Variants in PRSS12 observed in about 807,000 individuals in gnomAD.
PRSS12 encodes serine protease 12.
Under a neutral mutation model 104.4 loss-of-function variants are expected in PRSS12, and 85 were observed. The observed-to-expected ratio is 0.81, with a 90% CI of 0.68 to 0.98. The LOEUF is 0.98. Among genes scored for constraint, PRSS12 ranks in the 50% least tolerant of loss-of-function variants. The pLI is 0.00. For synonymous variants in PRSS12, 454 were observed against 425.2 expected (o/e 1.07, Z -0.83); for missense variants, 1,141 against 1,139.2 (o/e 1.00, Z -0.02).
intron 12 of PRSS12, 143 bp from the exon 13 acceptor site, chr4:118,282,386 G>T: frequency 2.8e-6 from 3 of 1,084,920 alleles, no homozygotes; most frequent in Admixed American, 3.8e-5. Flanking sequence ...TAACTGGTAT[G>T]TACTATTGTT....
chr4:118,341,392 A>C (rs1356578103), intron 1 of PRSS12, among the ~76,000 whole-genome samples: 1 of 152,192 alleles, frequency 6.6e-6, no homozygotes, highest in Non-Finnish European at 1.5e-5. Flanking sequence ...CTTAAAAACT[A>C]TAATTTATGG....
At chr4:118,282,801 G>A (rs770326732) in intron 12 of PRSS12, 30 bp downstream of exon 12, 1 of 1,613,036 alleles carries the variant, frequency 6.2e-7, no homozygotes, top group Non-Finnish European at 8.5e-7. Context: ...GACACAAAAA[G>A]GTGCCCTGCT....
rs1723924124 is a variant in PRSS12, at chr4:118,331,758, TC to T, written c.928del (p.Asp310MetfsTer7). On this transcript the variant is annotated frameshift_variant, in exon 4 of 13. Coordinates refer to ENST00000296498, the MANE Select transcript of PRSS12 (RefSeq NM_003619.4). LOFTEE classifies it high-confidence loss of function. ...GCAGATCACTTCTGCATCGGCATCATCCCATTGGTCATCACAAACGGTTCCC... is the reference window on the plus strand; with the variant it reads ...GCAGATCACTTCTGCATCGGCATCATCCATTGGTCATCACAAACGGTTCCC... ...QWGTVCDDQW[D>X]DADAEVICRQ... 1.2e-6 allele frequency: 2 copies of T among 1,614,048 alleles called. No homozygotes were observed. Among genetic ancestry groups the T allele is most frequent in the African/African-American group, 1.3e-5 (1 of 74,920 alleles).
intron 8 of PRSS12, chr4:118,304,001 T>C (rs970396166): frequency 6.6e-6 from 1 of 151,920 alleles, no homozygotes; most frequent in Non-Finnish European, 1.5e-5. Flanking sequence ...ACTTTTATTT[T>C]CTATGTTTAA....
At position 118,295,035 on chromosome 4, in the gene PRSS12, A is replaced by G. The variant is rs767839848; in HGVS notation, c.1943T>C (p.Leu648Pro). Residue 648 changes from leucine (L) to proline (P), a missense_variant, in exon 11 of 13, where the codon CTC becomes CCC. Coordinates refer to ENST00000296498, the MANE Select transcript of PRSS12 (RefSeq NM_003619.4). ...LRGGWPWQVS[L>P]RLKSSHGDGR... ...ATCTCCATGGGATGACTTCAGCCGG[A>G]GGGAAACCTGCCAAGGCCAACCACC... 1.2e-6 allele frequency: 2 copies of G among 1,614,136 alleles called. No homozygotes were observed. Among genetic ancestry groups the G allele is most frequent in the Non-Finnish European group, 1.7e-6 (2 of 1,180,018 alleles).
chr4:118,298,909 T>C lies in PRSS12; in HGVS notation c.1661A>G (p.Tyr554Cys). Residue 554 changes from tyrosine to cysteine, a missense_variant, in exon 9 of 13, where the codon TAC (tyrosine) becomes TGC (cysteine). Physicochemically the swap from Tyr to Cys is radical, Grantham distance 194. Transcript: ENST00000296498. Reference sequence around the variant, plus strand: ...GATGGGTCCTTTTCCTTCTCCAAAGTAAGCCATGGTTCTTGCTCTGGCAGG... The same window carrying C: ...GATGGGTCCTTTTCCTTCTCCAAAGCAAGCCATGGTTCTTGCTCTGGCAGG... Reference protein sequence around the residue: ...KGPARARTMAYFGEGKGPIHV... With the variant: ...KGPARARTMACFGEGKGPIHV... 3 of 1,614,208 alleles carry C rather than the reference T, an allele frequency of 1.9e-6. No homozygotes were observed. Among genetic ancestry groups the C allele is most frequent in the Non-Finnish European group, 2.5e-6 (3 of 1,180,034 alleles).
At chr4:118,317,982 T>G (rs922468531) in intron 5 of PRSS12, among the ~76,000 whole-genome samples, 1 of 152,204 alleles carries the variant, frequency 6.6e-6, no homozygotes, top group Non-Finnish European at 1.5e-5. Context: ...CACAGTGTGC[T>G]TTAATCAACA....
intron 1 of PRSS12, among the ~76,000 whole-genome samples, chr4:118,351,289 T>C (rs945888446): frequency 1.3e-5 from 2 of 152,080 alleles, no homozygotes; most frequent in African/African-American, 2.4e-5. Flanking sequence ...CTGCCAAAAA[T>C]ATTTTGTTGA....
At chr4:118,328,251 A>G (rs981446996) in intron 4 of PRSS12, among the ~76,000 whole-genome samples, 2 of 152,250 alleles carry the variant, frequency 1.3e-5, no homozygotes, top group Non-Finnish European at 2.9e-5. Context: ...GTCAGCTCAG[A>G]GCATCAGAGT....
At chr4:118,333,634 T>C (rs1429898980) in intron 3 of PRSS12, among the ~76,000 whole-genome samples, 14 of 152,186 alleles carry the variant, frequency 9.2e-5, no homozygotes. Context: ...TTTCTTAATA[T>C]ATTTTTCCCC....
chr4:118,307,112 A>G (rs1743576954), intron 8 of PRSS12, among the ~76,000 whole-genome samples: 1 of 152,208 alleles, frequency 6.6e-6, no homozygotes, highest in Admixed American at 6.5e-5. Context: ...ACAGTGAGCA[A>G]AAGAAGTTTA....
At chr4:118,327,899 T>C (rs1277207694) in intron 4 of PRSS12, among the ~76,000 whole-genome samples, 1 of 152,184 alleles carries the variant, frequency 6.6e-6, no homozygotes, top group Non-Finnish European at 1.5e-5. Context: ...GCTACCAAAA[T>C]ATACAGACAC....
At chr4:118,303,204 A>G (rs1432812043) in intron 8 of PRSS12, 1 of 152,150 alleles carries the variant, frequency 6.6e-6, no homozygotes, top group South Asian at 2.1e-4. Context: ...CACTGAGAAA[A>G]GATGAAAATT....
chr4:118,331,821 T>G lies in PRSS12; in HGVS notation c.866A>C (p.His289Pro). The change falls in exon 4 of 13, where the codon CAT (histidine) becomes CCT (proline). Residue 289 changes from histidine to proline, a missense_variant. His to Pro is a moderately conservative substitution (Grantham distance 77, BLOSUM62 -2). Transcript: ENST00000296498. Reference sequence around the variant, plus strand: ...ATGGTAGAGCTCCACCCGGCCTTCATGCACACTGCTGCCTCCAGCAAGGCG... The same window carrying G: ...ATGGTAGAGCTCCACCCGGCCTTCAGGCACACTGCTGCCTCCAGCAAGGCG... ...IIRLAGGSSV[H>P]EGRVELYHAG... The G allele has an allele frequency of 6.2e-7, 1 of 1,614,174 alleles. No homozygotes were observed.
rs1315936282 is a variant in PRSS12, at chr4:118,331,827, C to A, written c.860G>T (p.Ser287Ile). 1.9e-6 allele frequency: 3 copies of A among 1,614,192 alleles called. No individual in the cohort carries two copies. The highest frequency in any genetic ancestry group is 1.7e-5 in the Admixed American group (1 of 60,022). ...FPIIRLAGGSSVHEGRVELYH... is the reference protein window; with the variant it reads ...FPIIRLAGGSIVHEGRVELYH... ...GAGCTCCACCCGGCCTTCATGCACA[C>A]TGCTGCCTCCAGCAAGGCGAATGAT... The change falls in exon 4 of 13, where the codon AGT becomes ATT. Residue 287 changes from serine to isoleucine, a missense_variant. By Grantham distance (142) the Ser-to-Ile change is moderately radical. Transcript: ENST00000296498.
intron 4 of PRSS12, among the ~76,000 whole-genome samples, chr4:118,322,642 C>T (rs1274952105): frequency 6.7e-6 from 1 of 150,264 alleles, no homozygotes; most frequent in Non-Finnish European, 1.5e-5. Context: ...AGCTGTAATT[C>T]CCACAATTTG....
chr4:118,308,562 A>C lies in PRSS12; in HGVS notation c.1505T>G (p.Leu502Arg), dbSNP rs1256473242. The C allele has an allele frequency of 6.2e-7, 1 of 1,612,676 alleles. No homozygotes were observed. Among genetic ancestry groups the C allele is most frequent in the Non-Finnish European group, 8.5e-7 (1 of 1,179,258 alleles). The change falls in exon 8 of 13, where the codon CTG becomes CGG. Residue 502 changes from leucine (L) to arginine (R), a missense_variant. Coordinates refer to ENST00000296498, the MANE Select transcript of PRSS12 (RefSeq NM_003619.4). ...TTCTTTCTTATTTTCTCCATCCATC[A>C]GTCTGACAGGAAAACCTAAGTCATG... ...HRLSLGFPVR[L>R]MDGENKKEGR...
intron 1 of PRSS12, among the ~76,000 whole-genome samples, chr4:118,349,076 C>T (rs975734288): frequency 9.3e-5 from 13 of 140,084 alleles, no homozygotes; most frequent in Admixed American, 6.2e-4. Flanking sequence ...ACCTGAGGTC[C>T]CCACCCTGCC....
At chr4:118,299,765 T>TAAATTAAATA (rs1743354037) in intron 8 of PRSS12, among the ~76,000 whole-genome samples, 1 of 77,338 alleles carries the variant, frequency 1.3e-5, no homozygotes, top group African/African-American at 4.9e-5. Context: ...TAAATAAAAT[T>TAAATTAAATA]AAATAAAATA....
Sources: gnomAD v4.1 joint callset for allele counts (sites outside exome capture counted in the v4.1 genomes callset) on GRCh38, gnomAD v4.1.1 for gene constraint, MANE v1.5 for transcripts, NCBI Gene and HGNC (gene_info 2026-07-23, HGNC 2026-07-21) for gene names.